The following TAFA4 variants were observed in gnomAD, a reference collection of about 807,000 sequenced individuals.
TAFA4 encodes the protein chemokine-like protein TAFA-4.
TAFA4 carries 20 observed loss-of-function variants against 21.1 expected under a neutral mutation model. The observed-to-expected ratio is 0.95, with a 90% CI of 0.67 to 1.38. TAFA4 has a LOEUF of 1.38. Among genes scored for constraint, TAFA4 ranks in the 40% most tolerant of loss-of-function variants. The pLI is 0.00. For synonymous variants in TAFA4, 71 were observed against 67.4 expected, an observed-to-expected ratio of 1.05 and a Z score of -0.26; for missense variants, 211 against 180.9, an observed-to-expected ratio of 1.17 and a Z score of -0.95.
intron 1 of TAFA4, among the ~76,000 whole-genome samples, chr3:68,898,668 T>C (rs549577027): frequency 1.3e-5 from 2 of 152,242 alleles, no homozygotes; most frequent in African/African-American, 2.4e-5. Context: ...AATAATAATT[T>C]AGCAGATGTG....
At chr3:68,844,731 C>T (rs1284850460) in intron 3 of TAFA4, among the ~76,000 whole-genome samples, 2 of 152,084 alleles carry the variant, frequency 1.3e-5, no homozygotes, top group Non-Finnish European at 2.9e-5. Flanking sequence ...TTGTTCCCAT[C>T]GGTTTCAAAG....
At chr3:68,915,797 T>C (rs1201526966) in intron 1 of TAFA4, among the ~76,000 whole-genome samples, 1 of 152,142 alleles carries the variant, frequency 6.6e-6, no homozygotes, top group Non-Finnish European at 1.5e-5. Context: ...GAATATGAAA[T>C]CCATATTAGA....
At chr3:68,794,237 G>A (rs1228807021) in intron 3 of TAFA4, among the ~76,000 whole-genome samples, 2 of 152,116 alleles carry the variant, frequency 1.3e-5, no homozygotes, top group Admixed American at 1.3e-4. Context: ...CAATTAATTT[G>A]TGTCACTTTT....
chr3:68,803,199 A>G (rs1468462513), intron 3 of TAFA4, among the ~76,000 whole-genome samples: 1 of 152,158 alleles, frequency 6.6e-6, no homozygotes, highest in Non-Finnish European at 1.5e-5. Flanking sequence ...CCATCTATCT[A>G]TTTGTTAATG....
chr3:68,846,847 AG>A (rs1423675855), intron 3 of TAFA4, among the ~76,000 whole-genome samples: 5 of 152,134 alleles, frequency 3.3e-5, no homozygotes, highest in Non-Finnish European at 7.4e-5. Flanking sequence ...TCACCAGTGG[AG>A]GCTGCAGAAC....
At position 68,825,452 on chromosome 3, in the gene TAFA4, A is replaced by G. The variant is rs559676736; in HGVS notation, c.130+55278T>C. 6.6e-5 allele frequency among the ~76,000 whole-genome samples: 10 copies of G among 152,134 alleles called. No homozygotes were observed. The South Asian group carries it at 1.9e-3, about 28-fold the overall frequency. ...GAATATAAATTATTCTATTATAAAG[A>G]TACATGCACGTGTATGTTCATTACA... On this transcript the variant is annotated intron_variant, in intron 3 of 5. Transcript: ENST00000295569.
At chr3:68,819,023 A>T (rs1404094539) in intron 3 of TAFA4, among the ~76,000 whole-genome samples, 1 of 152,200 alleles carries the variant, frequency 6.6e-6, no homozygotes, top group African/African-American at 2.4e-5. Context: ...CTACAATCCC[A>T]GCATTTTGGG....
rs1399993684 is a variant in TAFA4, at chr3:68,879,332, C to T, written c.130+1398G>A. ...TCCTGAGTTCTCCATCAGCTGAGCACTAAACTGGGACAAAAATGCCACATG... is the reference window on the plus strand; with the variant it reads ...TCCTGAGTTCTCCATCAGCTGAGCATTAAACTGGGACAAAAATGCCACATG... On this transcript the variant is annotated intron_variant, in intron 3 of 5. Coordinates refer to ENST00000295569, the MANE Select transcript of TAFA4 (RefSeq NM_182522.5). 1.3e-5 allele frequency among the ~76,000 whole-genome samples: 2 copies of T among 152,096 alleles called. 1 individual carries two copies. Among genetic ancestry groups the T allele is most frequent in the Non-Finnish European group, 2.9e-5 (2 of 68,024 alleles).
At chr3:68,829,473 T>G (rs927437392) in intron 3 of TAFA4, among the ~76,000 whole-genome samples, 1 of 152,218 alleles carries the variant, frequency 6.6e-6, no homozygotes, top group Non-Finnish European at 1.5e-5. Context: ...TCGGTTCTGT[T>G]TATGTGATGG....
intron 3 of TAFA4, among the ~76,000 whole-genome samples, chr3:68,764,503 C>T (rs937511974): frequency 6.6e-6 from 1 of 152,120 alleles, no homozygotes; most frequent in African/African-American, 2.4e-5. Flanking sequence ...TGAAATGATT[C>T]GTATTAGGGA....
intron 1 of TAFA4, among the ~76,000 whole-genome samples, chr3:68,891,422 G>A (rs936604358): frequency 2.0e-5 from 3 of 152,138 alleles, no homozygotes; most frequent in African/African-American, 7.2e-5. Context: ...CCTCCAGAGT[G>A]AGGAGGTTTG....
At chr3:68,791,910 C>G (rs1196704634) in intron 3 of TAFA4, among the ~76,000 whole-genome samples, 2 of 152,170 alleles carry the variant, frequency 1.3e-5, no homozygotes, top group Non-Finnish European at 2.9e-5. Context: ...GTGGGCCAAA[C>G]CTGGCCCACA....
intron 1 of TAFA4, among the ~76,000 whole-genome samples, chr3:68,926,122 C>T (rs900461706): frequency 6.6e-6 from 1 of 151,874 alleles, no homozygotes; most frequent in Non-Finnish European, 1.5e-5. Context: ...CTCCCAGCTA[C>T]TCAGGAGGCT....
At chr3:68,925,045 T>C (rs547429309) in intron 1 of TAFA4, among the ~76,000 whole-genome samples, 91 of 152,332 alleles carry the variant, frequency 6.0e-4, no homozygotes, top group Middle Eastern at 3.4e-3. Context: ...AGCCATCCTC[T>C]GGCTTGCTTA....
chr3:68,909,412 C>A (rs2089934330), intron 1 of TAFA4, among the ~76,000 whole-genome samples: 1 of 152,172 alleles, frequency 6.6e-6, no homozygotes, highest in South Asian at 2.1e-4. Context: ...CACCTAGCAC[C>A]TAACACAGTG....
At chr3:68,854,073 ATTATGAT>A (rs1404847217) in intron 3 of TAFA4, among the ~76,000 whole-genome samples, 6 of 152,188 alleles carry the variant, frequency 3.9e-5, no homozygotes, top group Non-Finnish European at 7.3e-5. Context: ...ATGTCATATA[ATTATGAT>A]TTATATCAAG....
chr3:68,915,857 A>T (rs1320315940), intron 1 of TAFA4, among the ~76,000 whole-genome samples: 2 of 152,220 alleles, frequency 1.3e-5, no homozygotes, highest in African/African-American at 2.4e-5. Context: ...GGCACTTAAG[A>T]TACATATGAA....
rs146433690 is a variant in TAFA4 at position 68,880,716 on chromosome 3, C to G, written c.130+14G>C. ...TATTATCTCAGCAGTGCATAATGAG[C>G]TTAAAGGGCTTACCTGCATGTCCCC... is the stretch of plus-strand genomic sequence containing the variant. On this transcript the variant is annotated intron_variant, in intron 3 of 5. Transcript: ENST00000295569. The G allele has an allele frequency of 6.5e-5, 104 of 1,611,968 alleles. 1 individual carries two copies. In the African/African-American group the frequency reaches 1.2e-3, roughly 19 times the overall value.
chr3:68,747,596 A>G (rs934691223), intron 4 of TAFA4, among the ~76,000 whole-genome samples: 1 of 152,016 alleles, frequency 6.6e-6, no homozygotes, highest in Non-Finnish European at 1.5e-5. Context: ...TAAATTACCC[A>G]TTCTCGGGTA....
Sources: allele counts gnomAD v4.1 joint callset (sites outside exome capture counted in the v4.1 genomes callset), GRCh38; gene constraint gnomAD v4.1.1; transcripts MANE v1.5; gene names NCBI Gene and HGNC (gene_info 2026-07-23, HGNC 2026-07-21).